TMEM132C: variants seen among roughly 807,000 people sequenced by gnomAD.
TMEM132C encodes transmembrane protein 132C.
In TMEM132C, 29 loss-of-function variants were observed where a neutral mutation model predicts 61.4. That is an observed-to-expected ratio of 0.47 (90% confidence interval 0.35 to 0.64). TMEM132C has a LOEUF of 0.64. TMEM132C is among the 30% of genes least tolerant of loss of function. The probability of loss-of-function intolerance (pLI) is 0.00; values close to 1 mark genes in which losing one functional copy is unlikely to be tolerated. For missense variants in TMEM132C, 1,408 were observed against 1,476.9 expected, an observed-to-expected ratio of 0.95 and a Z score of 0.76; for synonymous variants, 656 against 633.1, an observed-to-expected ratio of 1.04 and a Z score of -0.54.
chr12:128,699,302 T>C (rs1954787623), intron 8 of TMEM132C, among the ~76,000 whole-genome samples: 1 of 152,152 alleles, frequency 6.6e-6, no homozygotes, highest in African/African-American at 2.4e-5. Context: ...GTGGGTGGGC[T>C]CAGCTGGGTT....
At chr12:128,366,730 G>A (rs2135977408) in intron 1 of TMEM132C, among the ~76,000 whole-genome samples, 1 of 152,312 alleles carries the variant, frequency 6.6e-6, no homozygotes, top group African/African-American at 2.4e-5. Flanking sequence ...TTTGGGGATG[G>A]CACTGGAAGT....
At chr12:128,574,325 G>A (rs993684358) in intron 3 of TMEM132C, among the ~76,000 whole-genome samples, 6 of 152,212 alleles carry the variant, frequency 3.9e-5, no homozygotes, top group African/African-American at 1.4e-4. Flanking sequence ...AATAGCTAAT[G>A]TCTCTCAAGC....
intron 1 of TMEM132C, among the ~76,000 whole-genome samples, chr12:128,367,889 CTATTA>C (rs1369659376): frequency 6.6e-6 from 1 of 152,118 alleles, no homozygotes; most frequent in Non-Finnish European, 1.5e-5. Flanking sequence ...AGGAAATATA[CTATTA>C]TATTTAGCCC....
intron 5 of TMEM132C, among the ~76,000 whole-genome samples, chr12:128,675,704 G>T (rs957509259): frequency 6.6e-6 from 1 of 152,138 alleles, no homozygotes; most frequent in African/African-American, 2.4e-5. Flanking sequence ...AGGTGGATAT[G>T]TGAATAGATG....
chr12:128,441,337 C>T (rs1306201258), intron 2 of TMEM132C, among the ~76,000 whole-genome samples: 1 of 152,206 alleles, frequency 6.6e-6, no homozygotes, highest in Non-Finnish European at 1.5e-5. Flanking sequence ...GTCCAGTGAG[C>T]CCAGATTCTG....
chr12:128,518,902 C>T (rs1872809984), intron 2 of TMEM132C, among the ~76,000 whole-genome samples: 1 of 152,134 alleles, frequency 6.6e-6, no homozygotes, highest in South Asian at 2.1e-4. Flanking sequence ...GTCTATTTCT[C>T]ATTCTGTCAC....
chr12:128,328,641 G>T (rs912552482), intron 1 of TMEM132C, among the ~76,000 whole-genome samples: 2 of 152,076 alleles, frequency 1.3e-5, no homozygotes, highest in African/African-American at 4.8e-5. Context: ...ACAAAAATTA[G>T]CTGAGTGTGG....
intron 1 of TMEM132C, among the ~76,000 whole-genome samples, chr12:128,299,797 A>T (rs1238331959): frequency 6.6e-6 from 1 of 151,944 alleles, no homozygotes; most frequent in Non-Finnish European, 1.5e-5. Flanking sequence ...CCAGGTCTTC[A>T]CTCTATGAAA....
intron 4 of TMEM132C, among the ~76,000 whole-genome samples, chr12:128,631,667 A>G (rs1380164355): frequency 6.6e-6 from 1 of 152,256 alleles, no homozygotes; most frequent in Non-Finnish European, 1.5e-5. Context: ...TTGACCATGT[A>G]GCTTCAGGCA....
chr12:128,458,132 T>C (rs560597953), intron 2 of TMEM132C, among the ~76,000 whole-genome samples: 77 of 150,992 alleles, frequency 5.1e-4, no homozygotes, highest in Non-Finnish European at 9.1e-4. Context: ...AGTAGATTGA[T>C]TATATATCAT....
chr12:128,492,988 A>G (rs1871798528), intron 2 of TMEM132C, among the ~76,000 whole-genome samples: 1 of 152,136 alleles, frequency 6.6e-6, no homozygotes, highest in East Asian at 1.9e-4. Flanking sequence ...TTTAGGTCTA[A>G]TATTTAAGTC....
chr12:128,327,233 C>T (rs1222921377), intron 1 of TMEM132C, among the ~76,000 whole-genome samples: 3 of 149,934 alleles, frequency 2.0e-5, no homozygotes, highest in Non-Finnish European at 4.4e-5. Context: ...AAGGAGTTGT[C>T]GACAAAAAGA....
intron 1 of TMEM132C, among the ~76,000 whole-genome samples, chr12:128,366,322 G>A (rs1873869610): frequency 6.6e-6 from 1 of 152,176 alleles, no homozygotes; most frequent in Non-Finnish European, 1.5e-5. Flanking sequence ...CAGACTGTTA[G>A]TGCCATTTCC....
At chr12:128,291,030 C>T (rs886813374) in intron 1 of TMEM132C, among the ~76,000 whole-genome samples, 6 of 152,112 alleles carry the variant, frequency 3.9e-5, no homozygotes, top group African/African-American at 1.4e-4. Context: ...TGAACTGGAG[C>T]GTGCTGTAGG....
At chr12:128,696,610 A>ATT (rs936914653) in intron 7 of TMEM132C, among the ~76,000 whole-genome samples, 15 of 152,256 alleles carry the variant, frequency 9.9e-5, no homozygotes, top group African/African-American at 3.6e-4. Context: ...GAATGGTAAA[A>ATT]TTTCATGATG....
At chr12:128,529,194 A>G (rs1460703996) in intron 2 of TMEM132C, among the ~76,000 whole-genome samples, 1 of 151,870 alleles carries the variant, frequency 6.6e-6, no homozygotes, top group Non-Finnish European at 1.5e-5. Flanking sequence ...AATTTTAATA[A>G]TTTTACATAC....
At chr12:128,294,869 C>G (rs568589303) in intron 1 of TMEM132C, among the ~76,000 whole-genome samples, 80 of 152,150 alleles carry the variant, frequency 5.3e-4, no homozygotes, top group Admixed American at 9.2e-4. Flanking sequence ...GGAACAAAGA[C>G]GTTTAGAACA....
intron 1 of TMEM132C, among the ~76,000 whole-genome samples, chr12:128,388,962 G>A (rs1207129345): frequency 2.0e-5 from 3 of 152,074 alleles, no homozygotes; most frequent in African/African-American, 4.8e-5. Context: ...AAGTCTGTGC[G>A]GGCAACAGAA....
intron 3 of TMEM132C, among the ~76,000 whole-genome samples, chr12:128,592,203 G>A (rs2135567160): frequency 6.6e-6 from 1 of 152,288 alleles, no homozygotes; most frequent in Admixed American, 6.5e-5. Flanking sequence ...ATCCTACCCT[G>A]ACACGGAGGC....
Sources: gnomAD v4.1 joint callset for allele counts (sites outside exome capture counted in the v4.1 genomes callset) on GRCh38, gnomAD v4.1.1 for gene constraint, MANE v1.5 for transcripts, NCBI Gene and HGNC (gene_info 2026-07-23, HGNC 2026-07-21) for gene names.